Variants in CHD9 observed in about 807,000 individuals in gnomAD.
CHD9 encodes the protein chromodomain helicase DNA binding protein 9.
CHD9 carries 77 observed loss-of-function variants against 316.1 expected under a neutral mutation model. That is an observed-to-expected ratio of 0.24 (90% CI 0.20 to 0.29). The LOEUF is 0.29. CHD9 is among the 10% of genes least tolerant of loss of function. The pLI, the probability that CHD9 is intolerant of heterozygous loss-of-function variation, is 1.00. For synonymous variants in CHD9, 1,129 were observed against 1,158.3 expected (o/e 0.97, Z 0.51); for missense variants, 2,763 against 3,438.1 (o/e 0.80, Z 4.91).
chr16:53,168,587 TACTC>T (rs2042441411), intron 2 of CHD9: 1 of 152,212 alleles, frequency 6.6e-6, no homozygotes, highest in Non-Finnish European at 1.5e-5. Flanking sequence ...AACTGCCTTT[TACTC>T]ACAGCAAAAA....
At position 53,249,924 on chromosome 16, in the gene CHD9, C is replaced by G. The variant is rs762434508; in HGVS notation, c.3719C>G (p.Ala1240Gly). Residue 1240 changes from alanine to glycine, a missense_variant, in exon 17 of 39, where the codon GCT (alanine) becomes GGT (glycine). Around this residue, in one of 15 missense-constraint regions of CHD9, gnomAD observed 39 missense variants for 40.4 expected, o/e 0.97. Transcript: ENST00000447540. ...GRVRGNLRQA[A>G]IDRFSKPDSD... The stretch of plus-strand genomic sequence containing the variant: ...GTCAGAGGAAATCTTCGGCAAGCTG[C>G]TATAGATAGATTTAGTAAACCTGAT... The G allele has an allele frequency of 6.2e-7, 1 of 1,613,770 alleles. No individual in the cohort carries two copies. The highest frequency in any genetic ancestry group is 2.2e-5 in the East Asian group (1 of 44,832).
chr16:53,212,776 A>G (rs1269758737), intron 3 of CHD9, among the ~76,000 whole-genome samples: 1 of 152,168 alleles, frequency 6.6e-6, no homozygotes, highest in Non-Finnish European at 1.5e-5. Context: ...ACTTACAAGC[A>G]GTGTAATCCT....
At chr16:53,186,138 C>G (rs1239061951) in intron 2 of CHD9, among the ~76,000 whole-genome samples, 1 of 152,214 alleles carries the variant, frequency 6.6e-6, no homozygotes, top group Non-Finnish European at 1.5e-5. Context: ...CTGGGAAAAG[C>G]TGCAGACACT....
chr16:53,318,522 T>A (rs572409982), intron 37 of CHD9, among the ~76,000 whole-genome samples, 182 bp downstream of exon 37: 1 of 152,354 alleles, frequency 6.6e-6, no homozygotes, highest in East Asian at 1.9e-4. Context: ...CTTGCTTCAT[T>A]AGCTGAGCTA....
At chr16:53,306,186 A>T (rs781726436) in intron 31 of CHD9, 51 bp from the exon 32 acceptor site, 2 of 1,116,530 alleles carry the variant, frequency 1.8e-6, no homozygotes, top group Admixed American at 3.0e-5. Context: ...CTTATATATA[A>T]AACTATTTTA....
chr16:53,307,997 T>C (rs1017975945), intron 33 of CHD9, 44 bp downstream of exon 33: 3 of 1,504,916 alleles, frequency 2.0e-6, no homozygotes, highest in Admixed American at 2.2e-5. Context: ...GCGATTGCGG[T>C]GTGCAGCATG....
chr16:53,067,057 G>A (rs755596737), intron 1 of CHD9, among the ~76,000 whole-genome samples: 11 of 151,982 alleles, frequency 7.2e-5, no homozygotes, highest in Non-Finnish European at 1.0e-4. Context: ...ATCCTCCCAC[G>A]TCAGCCTCCC....
intron 22 of CHD9, among the ~76,000 whole-genome samples, chr16:53,271,766 A>T (rs905145157): frequency 9.2e-5 from 14 of 152,136 alleles, no homozygotes; most frequent in Non-Finnish European, 1.8e-4. Flanking sequence ...TTATAACAAT[A>T]TATAATGAAA....
At chr16:53,286,547 C>A (rs1324642248) in intron 26 of CHD9, among the ~76,000 whole-genome samples, 1 of 152,140 alleles carries the variant, frequency 6.6e-6, no homozygotes, top group Non-Finnish European at 1.5e-5. Context: ...TGCCCCACAC[C>A]CATTCTTTTG....
At chr16:53,246,479 CTTCT>C (rs1329439819) in intron 15 of CHD9, among the ~76,000 whole-genome samples, 3 of 151,684 alleles carry the variant, frequency 2.0e-5, no homozygotes, top group Non-Finnish European at 4.4e-5. Flanking sequence ...AATTTATTCT[CTTCT>C]TTCTTTCTTT....
At chr16:53,172,727 A>G (rs1281129866) in intron 2 of CHD9, among the ~76,000 whole-genome samples, 1 of 152,142 alleles carries the variant, frequency 6.6e-6, no homozygotes, top group Non-Finnish European at 1.5e-5. Context: ...ATAGGTGAAG[A>G]TAGTGGTATC....
At chr16:53,149,701 A>G (rs567010149) in intron 1 of CHD9, among the ~76,000 whole-genome samples, 7 of 144,546 alleles carry the variant, frequency 4.8e-5, no homozygotes, top group Non-Finnish European at 9.2e-5. Flanking sequence ...GGTGTGCACC[A>G]TCACACTGGC....
chr16:53,217,284 G>T (rs1027676594), intron 3 of CHD9, among the ~76,000 whole-genome samples: 4 of 152,120 alleles, frequency 2.6e-5, no homozygotes, highest in African/African-American at 9.7e-5. Context: ...ACAGAGTCTT[G>T]CTTTGTCGCC....
At chr16:53,174,177 A>G (rs1438648873) in intron 2 of CHD9, among the ~76,000 whole-genome samples, 1 of 152,164 alleles carries the variant, frequency 6.6e-6, no homozygotes, top group Admixed American at 6.5e-5. Flanking sequence ...CCAGCTCCTC[A>G]GGTGGCTGAG....
rs930171187 is a variant in CHD9, at chr16:53,314,741, C to G, written c.7363-82C>G. 1.2e-5 allele frequency: 15 copies of G among 1,216,528 alleles called. No individual in the cohort carries two copies. In the South Asian group the frequency reaches 2.2e-4, roughly 18 times the overall value. The allele number at this position is 1,216,528 out of a possible 1,614,324, so 75.4% of individuals were successfully genotyped here. On this transcript the variant is annotated intron_variant, in intron 35 of 38. Coordinates refer to ENST00000447540, the MANE Select transcript of CHD9 (RefSeq NM_001308319.2). Reference sequence around the variant, plus strand: ...TTTTTAGCAACAACTTATTTTTTCTCTTCAAAAATAATTGCTTTATTGAAC... The same window carrying G: ...TTTTTAGCAACAACTTATTTTTTCTGTTCAAAAATAATTGCTTTATTGAAC...
At chr16:53,249,823 A>C in intron 16 of CHD9, 48 bp from the exon 17 acceptor site, 1 of 1,388,722 alleles carries the variant, frequency 7.2e-7, no homozygotes, top group East Asian at 2.3e-5. Context: ...ATATGTCTTC[A>C]GTTTTATTAT....
chr16:53,127,614 T>C (rs1316903042), intron 1 of CHD9, among the ~76,000 whole-genome samples: 1 of 150,938 alleles, frequency 6.6e-6, no homozygotes, highest in African/African-American at 2.4e-5. Context: ...ATCTGTAAAA[T>C]GGGGGCGGGG....
intron 2 of CHD9, among the ~76,000 whole-genome samples, chr16:53,196,473 AAG>A (rs2152838021): frequency 6.6e-6 from 1 of 152,296 alleles, no homozygotes; most frequent in Non-Finnish European, 1.5e-5. Flanking sequence ...AATCAAGGGG[AAG>A]AGTTTTACAA....
intron 1 of CHD9, among the ~76,000 whole-genome samples, chr16:53,112,350 G>A (rs1179999527): frequency 6.6e-6 from 1 of 152,198 alleles, no homozygotes; most frequent in Non-Finnish European, 1.5e-5. Context: ...ATCTAGGGGT[G>A]AAAACAGACT....
Sources: allele counts gnomAD v4.1 joint callset (sites outside exome capture counted in the v4.1 genomes callset), GRCh38; gene constraint gnomAD v4.1.1; regional missense constraint gnomAD v4.1.1; transcripts MANE v1.5; gene names NCBI Gene and HGNC (gene_info 2026-07-23, HGNC 2026-07-21).